Variants in MAGI2 observed in about 807,000 individuals in gnomAD.
MAGI2 encodes membrane associated guanylate kinase, WW and PDZ domain containing 2.
Under a neutral mutation model 133.3 loss-of-function variants are expected in MAGI2, and 35 were observed. That is an observed-to-expected ratio of 0.26 (90% CI 0.20 to 0.35). The LOEUF (loss-of-function observed/expected upper bound fraction) is 0.35, where lower values mean the gene tolerates loss of function less well. MAGI2 is among the 10% of genes least tolerant of loss of function. The pLI, the probability that MAGI2 is intolerant of heterozygous loss-of-function variation, is 1.00. For missense variants in MAGI2, 1,636 were observed against 1,863.4 expected, an observed-to-expected ratio of 0.88 and a Z score of 2.25; for synonymous variants, 729 against 710.6, an observed-to-expected ratio of 1.03 and a Z score of -0.41.
At position 78,477,971 on chromosome 7, in the gene MAGI2, C is replaced by T. The variant is rs372579295; in HGVS notation, c.1045+11790G>A. 2.4e-3 allele frequency among the ~76,000 whole-genome samples: 359 copies of T among 151,606 alleles called. 2 individuals carry two copies. Among genetic ancestry groups the T allele is most frequent in the African/African-American group, 7.5e-3 (309 of 41,396 alleles). On this transcript the variant is annotated intron_variant, in intron 6 of 21. Transcript: ENST00000354212. ...TAAGTTCTGGGGTACACGTGCAGAA[C>T]GTGCAGGTTTGTTACACAGGTAGAC...
intron 2 of MAGI2, among the ~76,000 whole-genome samples, chr7:78,675,759 A>C (rs1386471416): frequency 6.6e-6 from 1 of 152,120 alleles, no homozygotes; most frequent in African/African-American, 2.4e-5. Context: ...AGTAGGTTGT[A>C]AACAATCCTG....
chr7:79,178,274 G>T (rs958286041), intron 1 of MAGI2, among the ~76,000 whole-genome samples: 1 of 151,892 alleles, frequency 6.6e-6, no homozygotes, highest in Non-Finnish European at 1.5e-5. Flanking sequence ...AGTGAAAACA[G>T]CAGATACGTT....
chr7:78,178,280 T>G (rs1336668314), intron 13 of MAGI2, among the ~76,000 whole-genome samples, 178 bp from the exon 14 acceptor site: 1 of 152,188 alleles, frequency 6.6e-6, no homozygotes, highest in Non-Finnish European at 1.5e-5. Context: ...GTGTTCCAAA[T>G]GTAGGTTGTC....
chr7:79,281,266 A>G (rs941479708), intron 1 of MAGI2, among the ~76,000 whole-genome samples: 2 of 152,200 alleles, frequency 1.3e-5, no homozygotes, highest in Admixed American at 6.6e-5. Flanking sequence ...CTGGATATTC[A>G]TAATGCAGAG....
chr7:78,499,419 T>C (rs929051997), intron 5 of MAGI2, among the ~76,000 whole-genome samples: 3 of 152,188 alleles, frequency 2.0e-5, no homozygotes, highest in Non-Finnish European at 4.4e-5. Flanking sequence ...CTCTTCCCCA[T>C]CTTGCCAACA....
intron 7 of MAGI2, among the ~76,000 whole-genome samples, chr7:78,349,832 AAT>A (rs1455227219): frequency 6.6e-6 from 1 of 152,228 alleles, no homozygotes; most frequent in Non-Finnish European, 1.5e-5. Context: ...TTCCAAAATG[AAT>A]AGTTTCAAGT....
intron 2 of MAGI2, among the ~76,000 whole-genome samples, chr7:78,889,502 G>T: frequency 6.6e-6 from 1 of 152,180 alleles, no homozygotes; most frequent in East Asian, 1.9e-4. Flanking sequence ...CCCACAAATG[G>T]AAGCCCATCA....
At chr7:78,535,866 G>C (rs1056380389) in intron 3 of MAGI2, among the ~76,000 whole-genome samples, 1 of 125,176 alleles carries the variant, frequency 8.0e-6, no homozygotes, top group Admixed American at 7.9e-5. Flanking sequence ...ATCTAGTCTT[G>C]TGTACACCCC....
intron 2 of MAGI2, among the ~76,000 whole-genome samples, chr7:78,969,004 G>A (rs1803557172): frequency 6.6e-6 from 1 of 152,042 alleles, no homozygotes; most frequent in African/African-American, 2.4e-5. Flanking sequence ...AAGTCTAGCT[G>A]CAAGTATAGC....
At chr7:78,089,308 T>C (rs1000684627) in intron 20 of MAGI2, among the ~76,000 whole-genome samples, 8 of 152,178 alleles carry the variant, frequency 5.3e-5, no homozygotes, top group African/African-American at 1.9e-4. Context: ...GCAAGAGTGT[T>C]TGGGTGATAC....
At chr7:78,069,969 G>A (rs1814313702) in intron 21 of MAGI2, among the ~76,000 whole-genome samples, 2 of 151,684 alleles carry the variant, frequency 1.3e-5, no homozygotes, top group Admixed American at 1.3e-4. Flanking sequence ...TCTTGATGAA[G>A]TTTGGGAAAA....
intron 2 of MAGI2, among the ~76,000 whole-genome samples, chr7:78,784,203 GT>G (rs36109639): frequency 3.1e-4 from 45 of 147,320 alleles, no homozygotes; most frequent in South Asian, 2.4e-3. Flanking sequence ...AATGTTTTAG[GT>G]TTTTTTTTTT....
intron 1 of MAGI2, among the ~76,000 whole-genome samples, chr7:79,381,928 T>A (rs1843813594): frequency 6.6e-6 from 1 of 151,792 alleles, no homozygotes; most frequent in African/African-American, 2.4e-5. Context: ...GAAATTTTCA[T>A]AATATTTGTC....
chr7:79,018,445 A>C (rs1013733653), intron 1 of MAGI2, among the ~76,000 whole-genome samples: 2 of 152,204 alleles, frequency 1.3e-5, no homozygotes, highest in African/African-American at 4.8e-5. Context: ...ACAAAAGCAC[A>C]TTTAAGTACA....
chr7:78,039,913 C>G (rs1159109490), intron 21 of MAGI2, among the ~76,000 whole-genome samples: 1 of 152,188 alleles, frequency 6.6e-6, no homozygotes, highest in Non-Finnish European at 1.5e-5. Context: ...GTCTTGAAGT[C>G]TATAGACCCA....
At chr7:79,384,679 A>G (rs979195737) in intron 1 of MAGI2, among the ~76,000 whole-genome samples, 1 of 151,674 alleles carries the variant, frequency 6.6e-6, no homozygotes, top group African/African-American at 2.4e-5. Context: ...TATATATTAA[A>G]TAGGTAAAAT....
At chr7:78,164,636 C>G (rs1391788662) in intron 15 of MAGI2, among the ~76,000 whole-genome samples, 2 of 152,246 alleles carry the variant, frequency 1.3e-5, no homozygotes, top group African/African-American at 4.8e-5. Flanking sequence ...ACTGGCTAAA[C>G]TTTTCACCCA....
In MAGI2 at chr7:78,386,716, CAG is replaced by C. The variant is rs566979139; in HGVS notation, c.1046-17505_1046-17504del. ...GTGTGTATATCATATTGAGCAGTGA[CAG>C]TGTGATGTGATGCAGGACTCAGCAA... On this transcript the variant is annotated intron_variant, in intron 6 of 21. Transcript: ENST00000354212. 2.1e-4 allele frequency among the ~76,000 whole-genome samples: 32 copies of C among 152,262 alleles called. No homozygotes were observed. The South Asian group carries it at 6.4e-3, about 31-fold the overall frequency.
rs191741862 is a variant in MAGI2 at position 79,066,337 on chromosome 7, C to T, written c.302-59131G>A. 4.3e-5 allele frequency among the ~76,000 whole-genome samples: 6 copies of T among 141,134 alleles called. No individual in the cohort carries two copies. The East Asian group carries it at 1.3e-3, about 30-fold the overall frequency. 92.6% of individuals were successfully genotyped at this position (141,134 alleles called of 152,430 possible). The stretch of plus-strand genomic sequence containing the variant: ...TGACCAGTGATGATGAACATTTTTT[C>T]ATATGATTGTTGACTGCATAAATGT... On this transcript the variant is annotated intron_variant, in intron 1 of 21. Transcript: ENST00000354212.
Sources: gnomAD v4.1 joint callset for allele counts (sites outside exome capture counted in the v4.1 genomes callset) on GRCh38, gnomAD v4.1.1 for gene constraint, MANE v1.5 for transcripts, NCBI Gene and HGNC (gene_info 2026-07-23, HGNC 2026-07-21) for gene names.